The following DLG2 variants were observed in gnomAD, a reference collection of about 807,000 sequenced individuals.
The protein encoded by DLG2 is discs large MAGUK scaffold protein 2.
Under a neutral mutation model 132.5 loss-of-function variants are expected in DLG2, and 45 were observed. That is an observed-to-expected ratio of 0.34 (90% CI 0.27 to 0.44). The LOEUF (loss-of-function observed/expected upper bound fraction) is 0.44, where lower values mean the gene tolerates loss of function less well. Among genes scored for constraint, DLG2 ranks in the 20% least tolerant of loss-of-function variants. DLG2 has a pLI of 1.00. For synonymous variants in DLG2, 424 were observed against 419.6 expected, an observed-to-expected ratio of 1.01 and a Z score of -0.13; for missense variants, 1,045 against 1,196.9, an observed-to-expected ratio of 0.87 and a Z score of 1.87.
intron 7 of DLG2, among the ~76,000 whole-genome samples, chr11:84,308,090 A>G (rs982063476): frequency 6.6e-6 from 1 of 152,146 alleles, no homozygotes; most frequent in Non-Finnish European, 1.5e-5. Flanking sequence ...GCAGGTTGCC[A>G]CTGCTGGCTC....
chr11:84,858,907 T>C (rs1187545215), intron 6 of DLG2, among the ~76,000 whole-genome samples: 1 of 152,016 alleles, frequency 6.6e-6, no homozygotes, highest in African/African-American at 2.4e-5. Flanking sequence ...TGGGAAATAG[T>C]AGAAAGAGGA....
chr11:84,270,320 G>T (rs1054036341), intron 7 of DLG2, among the ~76,000 whole-genome samples: 2 of 152,166 alleles, frequency 1.3e-5, no homozygotes, highest in African/African-American at 4.8e-5. Flanking sequence ...TGCACTTGTG[G>T]CTCTTGGATC....
At chr11:84,494,250 G>C (rs1372402670) in intron 7 of DLG2, among the ~76,000 whole-genome samples, 1 of 152,162 alleles carries the variant, frequency 6.6e-6, no homozygotes, top group Admixed American at 6.5e-5. Flanking sequence ...CTCTTAATCG[G>C]AAAGAATATG....
chr11:85,126,854 C>T (rs617231), intron 5 of DLG2, among the ~76,000 whole-genome samples: 103,795 of 152,084 alleles, frequency 0.68, 36,272 homozygotes, highest in East Asian at 0.93. Context: ...CTTAAAACAA[C>T]GCTGTGAGAT....
chr11:85,416,330 T>C (rs180674149), intron 3 of DLG2, among the ~76,000 whole-genome samples: 2,325 of 152,340 alleles, frequency 0.015, 28 homozygotes, highest in Non-Finnish European at 0.023. Flanking sequence ...TACCATGCTG[T>C]TTTGGTTACT....
intron 6 of DLG2, among the ~76,000 whole-genome samples, chr11:84,892,887 GGAAGA>G (rs1042628763): frequency 6.6e-6 from 1 of 151,974 alleles, no homozygotes; most frequent in Non-Finnish European, 1.5e-5. Context: ...CTAAAACAGA[GGAAGA>G]GAAGAGAAGA....
At chr11:84,422,334 T>A (rs2098953622) in intron 7 of DLG2, among the ~76,000 whole-genome samples, 1 of 152,214 alleles carries the variant, frequency 6.6e-6, no homozygotes, top group African/African-American at 2.4e-5. Flanking sequence ...CTCAGAGATC[T>A]TAATTATGAT....
chr11:85,022,800 T>A (rs890250319), intron 6 of DLG2, among the ~76,000 whole-genome samples: 3 of 152,116 alleles, frequency 2.0e-5, no homozygotes, highest in African/African-American at 2.4e-5. Flanking sequence ...AATACTTTAA[T>A]CCATCCATAA....
chr11:84,777,991 C>T (rs976233964), intron 6 of DLG2, among the ~76,000 whole-genome samples: 2 of 152,184 alleles, frequency 1.3e-5, no homozygotes, highest in African/African-American at 4.8e-5. Context: ...GGTTTTGTTG[C>T]CTGTGCTTTT....
At chr11:85,320,363 T>C (rs1447939599) in intron 3 of DLG2, among the ~76,000 whole-genome samples, 1 of 151,856 alleles carries the variant, frequency 6.6e-6, no homozygotes, top group Non-Finnish European at 1.5e-5. Context: ...GGAAATCAGG[T>C]CCATCTAATT....
At chr11:84,896,713 C>G (rs2154067727) in intron 6 of DLG2, among the ~76,000 whole-genome samples, 1 of 151,892 alleles carries the variant, frequency 6.6e-6, no homozygotes, top group African/African-American at 2.4e-5. Context: ...TAGATGAGTA[C>G]AATATAGTAA....
intron 7 of DLG2, among the ~76,000 whole-genome samples, chr11:84,449,942 C>G (rs2099046750): frequency 6.6e-6 from 1 of 151,776 alleles, no homozygotes. Flanking sequence ...TAAGTAATTA[C>G]ATTAAAATTA....
At chr11:84,939,123 C>T (rs529321089) in intron 6 of DLG2, among the ~76,000 whole-genome samples, 1 of 152,044 alleles carries the variant, frequency 6.6e-6, no homozygotes, top group African/African-American at 2.4e-5. Flanking sequence ...TGAGAAGTGA[C>T]CTTATACAAC....
At chr11:85,407,988 C>A (rs1006994162) in intron 3 of DLG2, among the ~76,000 whole-genome samples, 2 of 151,010 alleles carry the variant, frequency 1.3e-5, no homozygotes, top group African/African-American at 4.9e-5. Context: ...CAGGCACCGA[C>A]AGCAACTGCT....
chr11:84,827,675 T>G (rs371664224), intron 6 of DLG2, among the ~76,000 whole-genome samples: 18 of 3,590 alleles, frequency 5.0e-3, no homozygotes, highest in African/African-American at 0.018. Context: ...GTACATACAG[T>G]CAAAAAAAAA....
chr11:83,838,787 A>C (rs532101883), intron 16 of DLG2, among the ~76,000 whole-genome samples: 1 of 151,834 alleles, frequency 6.6e-6, no homozygotes, highest in African/African-American at 2.4e-5. Flanking sequence ...TCCCAGACAA[A>C]AAAAAAAAAG....
intron 11 of DLG2, among the ~76,000 whole-genome samples, chr11:84,050,379 T>C (rs2096345598): frequency 6.6e-6 from 1 of 151,938 alleles, no homozygotes; most frequent in African/African-American, 2.4e-5. Context: ...GTTTTTTTCT[T>C]GTAAATTTGT....
chr11:84,492,925 T>A (rs951779194), intron 7 of DLG2, among the ~76,000 whole-genome samples: 2 of 152,134 alleles, frequency 1.3e-5, no homozygotes, highest in Non-Finnish European at 2.9e-5. Flanking sequence ...CATGCTTATA[T>A]AATAATATCA....
chr11:84,053,733 T>G (rs1350843744), intron 11 of DLG2, among the ~76,000 whole-genome samples: 1 of 151,990 alleles, frequency 6.6e-6, no homozygotes, highest in African/African-American at 2.4e-5. Flanking sequence ...CTTGAAGATA[T>G]CCAGGAACTT....
Sources: allele counts gnomAD v4.1 joint callset (sites outside exome capture counted in the v4.1 genomes callset), GRCh38; gene constraint gnomAD v4.1.1; transcripts MANE v1.5; gene names NCBI Gene and HGNC (gene_info 2026-07-23, HGNC 2026-07-21).